The following CFAP92 variants were observed in gnomAD, a reference collection of about 807,000 sequenced individuals.
CFAP92 encodes the protein cilia and flagella associated protein 92 (putative), also known as uncharacterized protein CFAP92.
CFAP92 carries 86 observed loss-of-function variants against 106.3 expected under a neutral mutation model. The observed-to-expected ratio is 0.81, with a 90% CI of 0.68 to 0.97. CFAP92 has a LOEUF of 0.97. CFAP92 is among the 50% of genes least tolerant of loss of function. The pLI is 0.00. For synonymous variants in CFAP92, 477 were observed against 506.4 expected (o/e 0.94, Z 0.78); for missense variants, 1,204 against 1,283.8 (o/e 0.94, Z 0.95).
chr3:129,024,497 C>G, the CFAP92 span, among the ~76,000 whole-genome samples: 38 of 151,330 alleles, frequency 2.5e-4, no homozygotes, highest in African/African-American at 8.7e-4. Flanking sequence ...CACCACTGCA[C>G]TCCAGCCTGG....
intron 9 of CFAP92, among the ~76,000 whole-genome samples, chr3:128,956,196 T>TAAATAAAAAAAAAAAAAAAAAAAA (rs1941372225): frequency 1.6e-5 from 1 of 61,716 alleles, no homozygotes; most frequent in African/African-American, 9.2e-5. Context: ...AAAAAAAAAA[T>TAAATAAAAAAAAAAAAAAAAAAAA]AAAAAAAAAA....
chr3:128,999,835 G>A (rs958610793), intron 1 of CFAP92, among the ~76,000 whole-genome samples: 4 of 152,166 alleles, frequency 2.6e-5, no homozygotes, highest in Admixed American at 2.0e-4. Context: ...GAGCCACCGC[G>A]ACCGGCCAAG....
At chr3:129,014,720 C>T in the CFAP92 span, among the ~76,000 whole-genome samples, 4 of 152,146 alleles carry the variant, frequency 2.6e-5, no homozygotes, top group African/African-American at 9.7e-5. This position sits in a 1 kb window ranked among gnomAD's most constrained non-coding sequence, Gnocchi z 4.3. Flanking sequence ...AAGGTGGGGC[C>T]ATGACTTGTG....
At chr3:128,937,163 T>C (rs1939106140) in intron 10 of CFAP92, among the ~76,000 whole-genome samples, 1 of 151,816 alleles carries the variant, frequency 6.6e-6, no homozygotes, top group Non-Finnish European at 1.5e-5. Flanking sequence ...AATCTGGGCA[T>C]GGTGGTGCAC....
intron 1 of CFAP92, chr3:129,002,320 T>C: frequency 1.3e-6 from 2 of 1,516,390 alleles, no homozygotes; most frequent in Non-Finnish European, 1.8e-6. Context: ...TGCCTAGCAC[T>C]GCAGGTGCGC....
At chr3:128,983,054 A>G (rs962146900) in intron 4 of CFAP92, among the ~76,000 whole-genome samples, 8 of 152,234 alleles carry the variant, frequency 5.3e-5, no homozygotes, top group African/African-American at 1.7e-4. Context: ...TGTTCAACAC[A>G]GGGTTGCCAC....
At chr3:128,944,069 A>C (rs1346569461) in intron 10 of CFAP92, among the ~76,000 whole-genome samples, 1 of 151,760 alleles carries the variant, frequency 6.6e-6, no homozygotes, top group Non-Finnish European at 1.5e-5. Context: ...AGCTGTGATT[A>C]CAGGCATGAG....
At chr3:128,927,415 C>A (rs150917240) in intron 12 of CFAP92, among the ~76,000 whole-genome samples, 53 of 152,118 alleles carry the variant, frequency 3.5e-4, no homozygotes, top group African/African-American at 1.2e-3. Flanking sequence ...GATACAAGAT[C>A]AATGGACAAA....
intron 9 of CFAP92, among the ~76,000 whole-genome samples, chr3:128,946,523 CAGGGA>C (rs1940234773): frequency 4.6e-5 from 7 of 152,190 alleles, no homozygotes; most frequent in African/African-American, 1.7e-4. Context: ...AGGCAGAAAG[CAGGGA>C]CATTTGCATG....
chr3:128,937,639 T>G (rs577705682), intron 10 of CFAP92, among the ~76,000 whole-genome samples: 80 of 151,550 alleles, frequency 5.3e-4, no homozygotes, highest in African/African-American at 1.8e-3. Flanking sequence ...GAAATCTGAG[T>G]AAGATCAGAT....
chr3:128,992,220 T>C (rs1454242036), intron 2 of CFAP92, among the ~76,000 whole-genome samples: 1 of 152,232 alleles, frequency 6.6e-6, no homozygotes, highest in African/African-American at 2.4e-5. Flanking sequence ...TGGCAATAGC[T>C]AATTGATACA....
chr3:128,910,152 G>A lies in CFAP92; in HGVS notation c.*147C>T, dbSNP rs2107664670. On this transcript the variant is annotated 3_prime_UTR_variant, in exon 16 of 16. Transcript: ENST00000645291. ...GGCTCCGCAACCACGACCACGAGGT[G>A]AGCCCAGCCCAGCCTCACACAGGGC... The A allele has an allele frequency of 6.2e-7, 1 of 1,614,034 alleles. No homozygotes were observed. Among genetic ancestry groups the A allele is most frequent in the Non-Finnish European group, 8.5e-7 (1 of 1,180,050 alleles).
chr3:128,944,969 A>G, intron 10 of CFAP92, 102 bp downstream of exon 10: 1 of 1,031,022 alleles, frequency 9.7e-7, no homozygotes, highest in Non-Finnish European at 1.4e-6. Context: ...GGAGACTCAC[A>G]GACAAGGATG....
intron 15 of CFAP92, among the ~76,000 whole-genome samples, chr3:128,911,087 G>A (rs1270206801): frequency 2.0e-5 from 3 of 152,150 alleles, no homozygotes; most frequent in African/African-American, 4.8e-5. Flanking sequence ...ATGGAGTTTC[G>A]CTCTTGTTGC....
At chr3:128,938,963 T>C (rs1181881906) in intron 10 of CFAP92, among the ~76,000 whole-genome samples, 1 of 152,218 alleles carries the variant, frequency 6.6e-6, no homozygotes, top group East Asian at 1.9e-4. Flanking sequence ...CCAGTGAGTT[T>C]CAGCAAGGCT....
chr3:129,021,254 TA>T, the CFAP92 span, among the ~76,000 whole-genome samples: 2 of 152,238 alleles, frequency 1.3e-5, no homozygotes, highest in South Asian at 4.1e-4. Context: ...ACCTCTGTCT[TA>T]TATATAAACA....
intron 12 of CFAP92, among the ~76,000 whole-genome samples, chr3:128,925,813 C>G (rs1174488343): frequency 6.6e-6 from 1 of 152,122 alleles, no homozygotes; most frequent in East Asian, 1.9e-4. Flanking sequence ...CAGCCAGAGA[C>G]AACCAAATTA....
chr3:128,982,638 A>G (rs1576620227), intron 4 of CFAP92, among the ~76,000 whole-genome samples: 1 of 152,130 alleles, frequency 6.6e-6, no homozygotes, highest in Non-Finnish European at 1.5e-5. Context: ...TGGCTTCCTC[A>G]CTAAGCTTAA....
chr3:129,019,872 G>A, the CFAP92 span, among the ~76,000 whole-genome samples: 3 of 148,838 alleles, frequency 2.0e-5, no homozygotes, highest in Admixed American at 6.8e-5. Context: ...AGATTCAAGC[G>A]ATTCTCCTGC....
Sources: allele counts gnomAD v4.1 joint callset (sites outside exome capture counted in the v4.1 genomes callset), GRCh38; gene constraint gnomAD v4.1.1; non-coding constraint Gnocchi (gnomAD v3.1); transcripts MANE v1.5; gene names NCBI Gene and HGNC (gene_info 2026-07-23, HGNC 2026-07-21).